Variants in MCF2L2 observed in about 807,000 individuals in gnomAD.
MCF2L2 encodes probable guanine nucleotide exchange factor MCF2L2.
MCF2L2 carries 102 observed loss-of-function variants against 150.2 expected under a neutral mutation model. The observed-to-expected ratio is 0.68, with a 90% confidence interval of 0.58 to 0.80. The LOEUF (loss-of-function observed/expected upper bound fraction) is 0.80, where lower values mean the gene tolerates loss of function less well. MCF2L2 is among the 30% of genes least tolerant of loss of function. MCF2L2 has a pLI of 0.00. For missense variants in MCF2L2, 1,256 were observed against 1,372.8 expected, an observed-to-expected ratio of 0.91 and a Z score of 1.34; for synonymous variants, 465 against 491.3, an observed-to-expected ratio of 0.95 and a Z score of 0.71.
chr3:183,358,105 T>C (rs994146257), intron 3 of MCF2L2, among the ~76,000 whole-genome samples: 6 of 152,002 alleles, frequency 3.9e-5, no homozygotes, highest in Admixed American at 1.3e-4. Context: ...CTGGCCAAGA[T>C]GGTGAAACCC....
At chr3:183,321,732 T>A (rs1470231828) in intron 6 of MCF2L2, among the ~76,000 whole-genome samples, 1 of 152,236 alleles carries the variant, frequency 6.6e-6, no homozygotes, top group Non-Finnish European at 1.5e-5. Flanking sequence ...ATATCTCTGG[T>A]CTTTCAATAC....
chr3:183,209,632 G>A (rs1722618969), intron 22 of MCF2L2, among the ~76,000 whole-genome samples: 1 of 152,014 alleles, frequency 6.6e-6, no homozygotes. Flanking sequence ...TGGATTACAG[G>A]CGTGCATTAC....
At chr3:183,209,785 G>A (rs188992939) in intron 22 of MCF2L2, among the ~76,000 whole-genome samples, 63 of 152,052 alleles carry the variant, frequency 4.1e-4, no homozygotes, top group Admixed American at 1.9e-3. Flanking sequence ...CACTGCTCCC[G>A]GCCTTCATGC....
At chr3:183,217,123 G>A (rs1722971852) in intron 21 of MCF2L2, among the ~76,000 whole-genome samples, 2 of 150,730 alleles carry the variant, frequency 1.3e-5, no homozygotes, top group African/African-American at 2.4e-5. Context: ...GTGAAACCCC[G>A]TCTCTACTAA....
chr3:183,262,124 C>T (rs57208842), intron 15 of MCF2L2, among the ~76,000 whole-genome samples: 1,718 of 123,924 alleles, frequency 0.014, 154 homozygotes, highest in African/African-American at 0.065. Context: ...GGATTAGTAT[C>T]GTTTTATGAT....
At chr3:183,399,982 C>T (rs1714655082) in intron 1 of MCF2L2, among the ~76,000 whole-genome samples, 1 of 152,128 alleles carries the variant, frequency 6.6e-6, no homozygotes, top group Non-Finnish European at 1.5e-5. Context: ...ATTCCTTCAA[C>T]CAAAATTAAG....
rs574304217 is a variant in MCF2L2 at position 183,427,828 on chromosome 3, G to A, written c.76+74C>T. Reference sequence around the variant, plus strand: ...TGCCCCGGGGCAGCGGGTGAGGCCAGGAGCCAGATGAAGCCCAGAGACCAT... The same window carrying A: ...TGCCCCGGGGCAGCGGGTGAGGCCAAGAGCCAGATGAAGCCCAGAGACCAT... On this transcript the variant is annotated intron_variant, in intron 1 of 29. Coordinates refer to ENST00000328913, the MANE Select transcript of MCF2L2 (RefSeq NM_015078.4). 7.0e-5 allele frequency: 92 copies of A among 1,320,632 alleles called. No homozygotes were observed. In the African/African-American group the frequency reaches 1.2e-3, roughly 17 times the overall value. The allele number at this position is 1,320,632 out of a possible 1,614,324, so 81.8% of individuals were successfully genotyped here. A position where few individuals can be genotyped will look rare whatever the true frequency, so the allele number is the denominator to read the frequency against.
intron 5 of MCF2L2, among the ~76,000 whole-genome samples, chr3:183,337,695 C>T (rs1730542981): frequency 6.6e-6 from 1 of 152,128 alleles, no homozygotes; most frequent in Non-Finnish European, 1.5e-5. Flanking sequence ...TATTGTCAAG[C>T]ATTACGTTAT....
intron 2 of MCF2L2, among the ~76,000 whole-genome samples, chr3:183,387,423 G>C (rs1713894685): frequency 1.3e-5 from 2 of 152,176 alleles, no homozygotes; most frequent in African/African-American, 4.8e-5. Context: ...TTCTACGTTA[G>C]GGAGTGACAA....
intron 20 of MCF2L2, among the ~76,000 whole-genome samples, chr3:183,222,967 T>C (rs1302349510): frequency 6.6e-6 from 1 of 152,322 alleles, no homozygotes; most frequent in South Asian, 2.1e-4. Flanking sequence ...AGGTCAGTGC[T>C]GCAAAAGGAT....
intron 22 of MCF2L2, among the ~76,000 whole-genome samples, chr3:183,210,421 T>C (rs60205563): frequency 0.07 from 10,655 of 152,312 alleles, 1,210 homozygotes; most frequent in African/African-American, 0.24. Flanking sequence ...CGATTTATTA[T>C]GTCTGAAGAC....
At position 183,179,234 on chromosome 3, in the gene MCF2L2, C is replaced by T. The variant is rs2108624802; in HGVS notation, c.*146G>A. 8.6e-7 allele frequency: 1 copy of T among 1,160,726 alleles called. No homozygotes were observed. The highest frequency in any genetic ancestry group is 1.1e-6 in the Non-Finnish European group (1 of 891,998). The allele number at this position is 1,160,726 out of a possible 1,614,324, so 71.9% of individuals were successfully genotyped here. A position where few individuals can be genotyped will look rare whatever the true frequency, so the allele number is the denominator to read the frequency against. On this transcript the variant is annotated 3_prime_UTR_variant, in exon 30 of 30. Coordinates refer to ENST00000328913, the MANE Select transcript of MCF2L2 (RefSeq NM_015078.4). This position sits in a 1 kb window ranked among gnomAD's most constrained non-coding sequence, Gnocchi z 4.2. ...CACCCAGGACACCCCTCGGGCTCCT[C>T]GGAGGAGGCCCTGGTTGTCCCCTTT...
At chr3:183,216,244 G>A (rs1347012366) in intron 21 of MCF2L2, 150 bp from the exon 22 acceptor site, 2 of 859,540 alleles carry the variant, frequency 2.3e-6, no homozygotes, top group Non-Finnish European at 3.6e-6. Context: ...CCAAAGCATG[G>A]TGGCTAAAGA....
At chr3:183,201,066 C>G (rs887535077) in intron 25 of MCF2L2, among the ~76,000 whole-genome samples, 2 of 152,282 alleles carry the variant, frequency 1.3e-5, no homozygotes, top group African/African-American at 4.8e-5. Context: ...CGTGATGCCT[C>G]CAGCTTTGTT....
At position 183,305,584 on chromosome 3, in the gene MCF2L2, G is replaced by A. The variant is rs188819073; in HGVS notation, c.1113+4132C>T. On this transcript the variant is annotated intron_variant, in intron 10 of 29. Transcript: ENST00000328913. The surrounding 1 kb of genome is among the most constrained non-coding windows in gnomAD (Gnocchi z 4.1). ...CAACTGAGGAGGCCGGGCGCAGTGG[G>A]TCACGCCTGTAATCCCAGCACTTTG... 1.9e-4 allele frequency among the ~76,000 whole-genome samples: 29 copies of A among 152,242 alleles called. No individual in the cohort carries two copies. The highest frequency in any genetic ancestry group is 1.4e-3 in the Admixed American group (21 of 15,290).
Position 183,179,549 on chromosome 3 carries a change from C to G in MCF2L2, c.3221+28G>C, listed in dbSNP as rs368124163. 6.2e-7 allele frequency: 1 copy of G among 1,613,078 alleles called. No individual in the cohort carries two copies. Among genetic ancestry groups the G allele is most frequent in the Admixed American group, 1.7e-5 (1 of 59,888 alleles). ...TCAGAGACGCCGTGGCCCAAAGAGG[C>G]GCTTAGTCTTTCCTCGCTCACACTC... On this transcript the variant is annotated intron_variant, in intron 29 of 29. Coordinates refer to ENST00000328913, the MANE Select transcript of MCF2L2 (RefSeq NM_015078.4). The surrounding 1 kb of genome is among the most constrained non-coding windows in gnomAD (Gnocchi z 4.2).
intron 10 of MCF2L2, among the ~76,000 whole-genome samples, chr3:183,303,640 AC>A (rs1244622703): frequency 6.6e-6 from 1 of 151,880 alleles, no homozygotes; most frequent in Non-Finnish European, 1.5e-5. Context: ...TCAAATTCTG[AC>A]CCCATCTCTG....
rs755558349 is a variant in MCF2L2 at position 183,179,672 on chromosome 3, C to G, written c.3126G>C (p.Ser1042=). The G allele has an allele frequency of 1.2e-6, 2 of 1,614,068 alleles. No individual in the cohort carries two copies. Among genetic ancestry groups the G allele is most frequent in the Non-Finnish European group, 1.7e-6 (2 of 1,179,944 alleles). Residue 1042 remains serine (S), a synonymous_variant, in exon 29 of 30, where the codon TCG becomes TCC. Coordinates refer to ENST00000328913, the MANE Select transcript of MCF2L2 (RefSeq NM_015078.4). The surrounding 1 kb of genome is among the most constrained non-coding windows in gnomAD (Gnocchi z 4.2). ...SALSLAGLFQ[S]DDSHETCSSK... ...AGGAACAGGTTTCGTGACTGTCGTCCGACTGGAAAAGGCCCGCGAGCTGGA... is the reference window on the plus strand; with the variant it reads ...AGGAACAGGTTTCGTGACTGTCGTCGGACTGGAAAAGGCCCGCGAGCTGGA...
At chr3:183,309,893 T>C (rs1729284460) in intron 9 of MCF2L2, 58 bp from the exon 10 acceptor site, 3 of 1,587,478 alleles carry the variant, frequency 1.9e-6, no homozygotes, top group Middle Eastern at 1.7e-4. Flanking sequence ...CCTGAAGGTA[T>C]AGGTTTGTTA....
Sources: allele counts gnomAD v4.1 joint callset (sites outside exome capture counted in the v4.1 genomes callset), GRCh38; gene constraint gnomAD v4.1.1; non-coding constraint Gnocchi (gnomAD v3.1); transcripts MANE v1.5; gene names NCBI Gene and HGNC (gene_info 2026-07-23, HGNC 2026-07-21).